The following NIPAL1 variants were observed in gnomAD, a reference collection of about 807,000 sequenced individuals.
NIPAL1 encodes magnesium transporter NIPA3.
A neutral mutation model predicts 37.7 loss-of-function variants in NIPAL1; 35 were observed. The observed-to-expected ratio is 0.93, with a 90% CI of 0.71 to 1.23. The LOEUF (loss-of-function observed/expected upper bound fraction) is 1.23, where lower values mean the gene tolerates loss of function less well. Ranked by LOEUF, NIPAL1 falls within the 50% of genes most tolerant of loss-of-function variation. NIPAL1 has a pLI of 0.00. For missense variants in NIPAL1, 412 were observed against 473.9 expected, an observed-to-expected ratio of 0.87 and a Z score of 1.21; for synonymous variants, 162 against 183.0, an observed-to-expected ratio of 0.89 and a Z score of 0.93.
intron 4 of NIPAL1, among the ~76,000 whole-genome samples, chr4:48,033,731 C>A (rs751119048): frequency 6.6e-6 from 1 of 152,148 alleles, no homozygotes; most frequent in Admixed American, 6.5e-5. Context: ...TTATTATGAT[C>A]CCAAATGAAT....
At position 48,027,064 on chromosome 4, in the gene NIPAL1, A is replaced by G. The variant is rs1481306764; in HGVS notation, c.313+1730A>G. Among the ~76,000 whole-genome samples, 3 of 152,136 alleles carry G rather than the reference A, an allele frequency of 2.0e-5. No homozygotes were observed. The highest frequency in any genetic ancestry group is 4.4e-5 in the Non-Finnish European group (3 of 68,022). ...AAAAAAGAAGGCTTTTCTAAGCATA[A>G]AGATAAATAATTTATTTTATATAAA... On this transcript the variant is annotated intron_variant, in intron 2 of 5. Coordinates refer to ENST00000295461, the MANE Select transcript of NIPAL1 (RefSeq NM_207330.3). The surrounding 1 kb of genome is among the most constrained non-coding windows in gnomAD (Gnocchi z 4.1).
rs1254342798 is a variant in NIPAL1 at position 48,035,699 on chromosome 4, G to C, written c.760G>C (p.Val254Leu). Residue 254 changes from valine to leucine, a missense_variant, in exon 6 of 6, where the codon GTG (valine) becomes CTG (leucine). Transcript: ENST00000295461. ...SLIGAFSVSS[V>L]KGLGIAIKEL... ...GATTGGAGCGTTTTCAGTTTCTTCT[G>C]TGAAAGGCCTGGGAATTGCCATTAA... 1 of 1,613,962 alleles carries C rather than the reference G, an allele frequency of 6.2e-7. No homozygotes were observed. Among genetic ancestry groups the C allele is most frequent in the East Asian group, 2.2e-5 (1 of 44,894 alleles).
intron 4 of NIPAL1, among the ~76,000 whole-genome samples, chr4:48,033,290 A>G (rs1396032318): frequency 6.6e-6 from 1 of 152,234 alleles, no homozygotes; most frequent in Non-Finnish European, 1.5e-5. Flanking sequence ...TTACTCATTC[A>G]TAAAGTGAGA....
rs1271027700 is a variant in NIPAL1 at position 48,027,711 on chromosome 4, A to C, written c.313+2377A>C. 6.6e-6 allele frequency among the ~76,000 whole-genome samples: 1 copy of C among 152,226 alleles called. No homozygotes were observed. The highest frequency in any genetic ancestry group is 1.5e-5 in the Non-Finnish European group (1 of 68,026). ...TTTTCTATAGTAAATATAATGACAA[A>C]GTCACAGATTAGAGTAGTAGGAAGA... On this transcript the variant is annotated intron_variant, in intron 2 of 5. Coordinates refer to ENST00000295461, the MANE Select transcript of NIPAL1 (RefSeq NM_207330.3). The surrounding 1 kb of genome is among the most constrained non-coding windows in gnomAD (Gnocchi z 4.1).
chr4:48,030,462 T>G (rs1244647061), intron 3 of NIPAL1, among the ~76,000 whole-genome samples: 2 of 152,212 alleles, frequency 1.3e-5, no homozygotes, highest in Non-Finnish European at 1.5e-5. Context: ...TTCTTGTATT[T>G]TCTTCACCAT....
rs1383053615 is a variant in NIPAL1 at position 48,039,099 on chromosome 4, C to G, written c.*2927C>G. ...CAGTGGCTCACACCTGTAATCCCAG[C>G]ACTTTGGGAGGCTGAGGCGGGTAGA... On this transcript the variant is annotated 3_prime_UTR_variant, in exon 6 of 6. Coordinates refer to ENST00000295461, the MANE Select transcript of NIPAL1 (RefSeq NM_207330.3). 6.6e-6 allele frequency: 1 copy of G among 152,066 alleles called. No individual in the cohort carries two copies. The allele number at this position is 152,066 out of a possible 1,614,324, so 9.4% of individuals were successfully genotyped here.
At chr4:48,033,357 C>T (rs1249232251) in intron 4 of NIPAL1, among the ~76,000 whole-genome samples, 1 of 152,106 alleles carries the variant, frequency 6.6e-6, no homozygotes, top group Non-Finnish European at 1.5e-5. Flanking sequence ...TATAAAATAA[C>T]AGTAGAAATA....
At chr4:48,025,802 A>G (rs1715673072) in intron 2 of NIPAL1, among the ~76,000 whole-genome samples, 1 of 152,150 alleles carries the variant, frequency 6.6e-6, no homozygotes, top group Non-Finnish European at 1.5e-5. Flanking sequence ...TGTGTCTCCC[A>G]GTCTCTGATC....
At position 48,030,181 on chromosome 4, in the gene NIPAL1, GTT is replaced by G; in HGVS notation, c.370+9_370+10del. The stretch of plus-strand genomic sequence containing the variant: ...GGTGGGTAGGATTGCTGTCAAGTAA[GTT>G]TTTAATACTGAGAATACTGTTTATT... On this transcript the variant is annotated splice_donor_region_variant and intron_variant, in intron 3 of 5. Coordinates refer to ENST00000295461, the MANE Select transcript of NIPAL1 (RefSeq NM_207330.3). The G allele has an allele frequency of 6.5e-7, 1 of 1,537,900 alleles. No individual in the cohort carries two copies. The highest frequency in any genetic ancestry group is 1.4e-5 in the African/African-American group (1 of 73,528).
Position 48,039,649 on chromosome 4 carries a change from A to T in NIPAL1, c.*3477A>T, listed in dbSNP as rs757397159. 6.6e-6 allele frequency: 1 copy of T among 152,246 alleles called. No homozygotes were observed. Among genetic ancestry groups the T allele is most frequent in the East Asian group, 1.9e-4 (1 of 5,204 alleles). 9.4% of individuals were successfully genotyped at this position (152,246 alleles called of 1,614,324 possible). A position where few individuals can be genotyped will look rare whatever the true frequency, so the allele number is the denominator to read the frequency against. ...TATTTATTATAAGTTCAGATTGCACAATTTTCATAAGACCCTTTGGATTTA... is the reference window on the plus strand; with the variant it reads ...TATTTATTATAAGTTCAGATTGCACTATTTTCATAAGACCCTTTGGATTTA... On this transcript the variant is annotated 3_prime_UTR_variant, in exon 6 of 6. Coordinates refer to ENST00000295461, the MANE Select transcript of NIPAL1 (RefSeq NM_207330.3).
rs1250359615 is a variant in NIPAL1 at position 48,035,569 on chromosome 4, T to G, written c.630T>G (p.Ile210Met). 6.2e-7 allele frequency: 1 copy of G among 1,601,534 alleles called. No individual in the cohort carries two copies. The highest frequency in any genetic ancestry group is 1.1e-5 in the South Asian group (1 of 87,784). Reference sequence around the variant, plus strand: ...CTTTTCTCCTTCTAACAGGGTTTATTTCCTTTGCTGTGATCATAACTGTGA... The same window carrying G: ...CTTTTCTCCTTCTAACAGGGTTTATGTCCTTTGCTGTGATCATAACTGTGA... ...MEMKLRDPGF[I>M]SFAVIITVIS... Residue 210 changes from isoleucine (I) to methionine (M), a missense_variant, in exon 6 of 6, where the codon ATT becomes ATG. Ile to Met is a conservative substitution (Grantham distance 10, BLOSUM62 1). Coordinates refer to ENST00000295461, the MANE Select transcript of NIPAL1 (RefSeq NM_207330.3).
chr4:48,030,076 G>C lies in NIPAL1; in HGVS notation c.314-44G>C, dbSNP rs765582733. ...AGTTAATTCTTCAAACCTTCCTCCA[G>C]TGTAGAACCCATTTTTTGTTAATTT... On this transcript the variant is annotated intron_variant, in intron 2 of 5. Coordinates refer to ENST00000295461, the MANE Select transcript of NIPAL1 (RefSeq NM_207330.3). 29 of 1,183,316 alleles carry C rather than the reference G, an allele frequency of 2.5e-5. No individual in the cohort carries two copies. In the South Asian group the frequency reaches 3.4e-4, roughly 14 times the overall value. 73.3% of individuals were successfully genotyped at this position (1,183,316 alleles called of 1,614,324 possible). A position where few individuals can be genotyped will look rare whatever the true frequency, so the allele number is the denominator to read the frequency against.
intron 1 of NIPAL1, among the ~76,000 whole-genome samples, chr4:48,023,312 A>G (rs1429847585): frequency 6.6e-6 from 1 of 152,136 alleles, no homozygotes; most frequent in Non-Finnish European, 1.5e-5. Context: ...TATTTTCCAG[A>G]CCTGAACTTC....
At chr4:48,035,064 C>G in intron 5 of NIPAL1, 23 bp downstream of exon 5, 8 of 1,599,258 alleles carry the variant, frequency 5.0e-6, no homozygotes, top group Non-Finnish European at 6.9e-6. Context: ...ACCTAAAGAA[C>G]CACTCAAATT....
chr4:48,027,399 A>G lies in NIPAL1; in HGVS notation c.313+2065A>G, dbSNP rs576398770. Reference sequence around the variant, plus strand: ...CAATAGTCAGGTTCAGTGTGGTAACATAATTCCAACTTAGTTATTTGTAAA... The same window carrying G: ...CAATAGTCAGGTTCAGTGTGGTAACGTAATTCCAACTTAGTTATTTGTAAA... On this transcript the variant is annotated intron_variant, in intron 2 of 5. Coordinates refer to ENST00000295461, the MANE Select transcript of NIPAL1 (RefSeq NM_207330.3). The surrounding 1 kb of genome is among the most constrained non-coding windows in gnomAD (Gnocchi z 4.1). Among the ~76,000 whole-genome samples, 1 of 152,232 alleles carries G rather than the reference A, an allele frequency of 6.6e-6. No homozygotes were observed. Among genetic ancestry groups the G allele is most frequent in the Non-Finnish European group, 1.5e-5 (1 of 68,026 alleles).
chr4:48,023,467 G>T (rs1715620447), intron 1 of NIPAL1, among the ~76,000 whole-genome samples: 1 of 152,112 alleles, frequency 6.6e-6, no homozygotes, highest in Non-Finnish European at 1.5e-5. Context: ...GCCTTCTTAA[G>T]ATTTTTGAAA....
intron 2 of NIPAL1, among the ~76,000 whole-genome samples, chr4:48,029,176 C>T (rs1041374625): frequency 3.9e-5 from 6 of 152,088 alleles, no homozygotes; most frequent in Non-Finnish European, 8.8e-5. Flanking sequence ...AAGTGCCCAT[C>T]GACAGAGGAC....
chr4:48,023,431 A>G (rs541230010), intron 1 of NIPAL1, among the ~76,000 whole-genome samples: 1 of 152,222 alleles, frequency 6.6e-6, no homozygotes, highest in Non-Finnish European at 1.5e-5. Context: ...ACATCATTTG[A>G]TCAAACTGCC....
chr4:48,026,163 A>C lies in NIPAL1; in HGVS notation c.313+829A>C, dbSNP rs559372996. ...TGCTTATTGATAGTAGATTCTCAAG[A>C]ACAGGAACCTTCCCTAGCAGTGTTT... On this transcript the variant is annotated intron_variant, in intron 2 of 5. Transcript: ENST00000295461. Among the ~76,000 whole-genome samples the C allele has an allele frequency of 5.9e-5, 9 of 152,334 alleles. No individual in the cohort carries two copies. In the East Asian group the frequency reaches 1.7e-3, roughly 29 times the overall value.
Sources: gnomAD v4.1 joint callset for allele counts (sites outside exome capture counted in the v4.1 genomes callset) on GRCh38, gnomAD v4.1.1 for gene constraint, Gnocchi (gnomAD v3.1) non-coding constraint, MANE v1.5 for transcripts, NCBI Gene and HGNC (gene_info 2026-07-23, HGNC 2026-07-21) for gene names.